Variants in MINDY4 observed in about 807,000 individuals in gnomAD.
MINDY4 encodes MINDY lysine 48 deubiquitinase 4, also known as probable ubiquitin carboxyl-terminal hydrolase MINDY-4.
In MINDY4, 68 loss-of-function variants were observed where a neutral mutation model predicts 87.0. The observed-to-expected ratio is 0.78, with a 90% CI of 0.64 to 0.96. MINDY4 has a LOEUF of 0.96. MINDY4 is among the 40% of genes least tolerant of loss of function. The pLI is 0.00. For synonymous variants in MINDY4, 379 were observed against 363.2 expected, an observed-to-expected ratio of 1.04 and a Z score of -0.50; for missense variants, 919 against 928.2, an observed-to-expected ratio of 0.99 and a Z score of 0.13.
At chr7:30,808,243 A>G (rs1178955406) in intron 5 of MINDY4, among the ~76,000 whole-genome samples, 2 of 152,146 alleles carry the variant, frequency 1.3e-5, no homozygotes, top group African/African-American at 2.4e-5. Flanking sequence ...GACATCTGAA[A>G]CTTGGTAAGA....
chr7:30,795,344 C>T (rs535639989), intron 5 of MINDY4, among the ~76,000 whole-genome samples: 1 of 152,340 alleles, frequency 6.6e-6, no homozygotes, highest in East Asian at 1.9e-4. Flanking sequence ...TTTATCCTCC[C>T]TTAGGAATTC....
At chr7:30,860,454 C>T (rs1023205290) in intron 13 of MINDY4, among the ~76,000 whole-genome samples, 2 of 152,178 alleles carry the variant, frequency 1.3e-5, no homozygotes, top group Admixed American at 6.5e-5. Flanking sequence ...CGTGGACTCA[C>T]GTGCATGGAG....
chr7:30,847,807 A>G (rs1789271611), intron 9 of MINDY4, among the ~76,000 whole-genome samples: 2 of 152,154 alleles, frequency 1.3e-5, no homozygotes, highest in African/African-American at 4.8e-5. Flanking sequence ...TGGCACGATC[A>G]TGGCCCACTG....
Position 30,771,435 on chromosome 7 carries a change from C to A in MINDY4, c.-59C>A. ...CGCGGCCATACTGCGCCGGACAGAC[C>A]CAGTTGCCTGGTGCTGCGGCCCGGC... On this transcript the variant is annotated 5_prime_UTR_variant, in exon 1 of 18. Coordinates refer to ENST00000265299, the MANE Select transcript of MINDY4 (RefSeq NM_032222.3). The A allele has an allele frequency of 6.4e-7, 1 of 1,552,858 alleles. No homozygotes were observed. The highest frequency in any genetic ancestry group is 8.7e-7 in the Non-Finnish European group (1 of 1,143,614).
intron 9 of MINDY4, among the ~76,000 whole-genome samples, chr7:30,842,507 T>G (rs542569361): frequency 6.6e-6 from 1 of 152,290 alleles, no homozygotes; most frequent in East Asian, 1.9e-4. Flanking sequence ...CCTACCTACC[T>G]ACCCACCTTC....
chr7:30,792,197 G>A (rs1032642074), intron 5 of MINDY4, among the ~76,000 whole-genome samples: 2 of 152,246 alleles, frequency 1.3e-5, no homozygotes, highest in African/African-American at 4.8e-5. Flanking sequence ...TACATTGATT[G>A]ATTTCTGAAT....
chr7:30,838,747 C>T (rs1259425168), intron 7 of MINDY4, among the ~76,000 whole-genome samples: 1 of 152,150 alleles, frequency 6.6e-6, no homozygotes, highest in Non-Finnish European at 1.5e-5. Flanking sequence ...GGAGTCTCAC[C>T]CTCAGCAACT....
At chr7:30,845,874 C>T (rs898344139) in intron 9 of MINDY4, among the ~76,000 whole-genome samples, 1 of 152,232 alleles carries the variant, frequency 6.6e-6, no homozygotes, top group African/African-American at 2.4e-5. Context: ...CAGCCGGCCT[C>T]TCCTCAGTCG....
chr7:30,783,400 C>T (rs1335728107), intron 3 of MINDY4, among the ~76,000 whole-genome samples: 3 of 152,140 alleles, frequency 2.0e-5, no homozygotes, highest in Admixed American at 6.5e-5. Flanking sequence ...TCTGCAAAAT[C>T]CTTTTCACTG....
chr7:30,826,195 C>A (rs972267845), intron 5 of MINDY4, among the ~76,000 whole-genome samples: 1 of 152,128 alleles, frequency 6.6e-6, no homozygotes, highest in South Asian at 2.1e-4. Flanking sequence ...TCTCTTTTGC[C>A]GTGTAAAGTA....
chr7:30,774,536 A>G (rs1245744955), intron 1 of MINDY4, among the ~76,000 whole-genome samples: 1 of 152,090 alleles, frequency 6.6e-6, no homozygotes, highest in Admixed American at 6.5e-5. Context: ...AACCCCATAA[A>G]GGACCTGTGT....
At chr7:30,784,467 T>A (rs184395857) in intron 3 of MINDY4, among the ~76,000 whole-genome samples, 2 of 152,308 alleles carry the variant, frequency 1.3e-5, no homozygotes. Flanking sequence ...TCTCCAGGGC[T>A]CTAGTGATCT....
intron 13 of MINDY4, among the ~76,000 whole-genome samples, chr7:30,865,152 G>T (rs1789893714): frequency 6.6e-6 from 1 of 152,174 alleles, no homozygotes; most frequent in Non-Finnish European, 1.5e-5. Context: ...TCCCGTCTCT[G>T]CACCGACACC....
intron 17 of MINDY4, among the ~76,000 whole-genome samples, chr7:30,884,446 AATG>A (rs1393358197): frequency 2.0e-5 from 3 of 152,300 alleles, no homozygotes; most frequent in Non-Finnish European, 4.4e-5. Context: ...ACTCATTCAA[AATG>A]ATGAGAGAAA....
chr7:30,852,088 G>A, intron 10 of MINDY4, 128 bp from the exon 11 acceptor site: 1 of 1,018,298 alleles, frequency 9.8e-7, no homozygotes, highest in Non-Finnish European at 1.4e-6. Flanking sequence ...AGAAACTCTT[G>A]GCTCCATTTT....
Position 30,850,466 on chromosome 7 carries a change from T to G in MINDY4, c.1458T>G (p.Pro486=). ...SKADCAQGLQ[P]SDAHRTRCLV... is the part of the protein sequence containing the mutation. Reference sequence around the variant, plus strand: ...TTCTTGTCCGCAGGGGACTGCAGCCTTCAGATGCCCACCGGACCCGCTGCC... The same window carrying G: ...TTCTTGTCCGCAGGGGACTGCAGCCGTCAGATGCCCACCGGACCCGCTGCC... The change falls in exon 10 of 18, where the codon CCT becomes CCG. Residue 486 remains proline (P), a synonymous_variant. Coordinates refer to ENST00000265299, the MANE Select transcript of MINDY4 (RefSeq NM_032222.3). 1 of 1,612,268 alleles carries G rather than the reference T, an allele frequency of 6.2e-7. No individual in the cohort carries two copies.
At chr7:30,856,195 C>T (rs555258300) in intron 12 of MINDY4, among the ~76,000 whole-genome samples, 1 of 152,298 alleles carries the variant, frequency 6.6e-6, no homozygotes, top group South Asian at 2.1e-4. Context: ...CCAAGTGGCA[C>T]CACTTTCTAG....
chr7:30,861,565 A>G (rs1789768705), intron 13 of MINDY4, among the ~76,000 whole-genome samples: 1 of 152,200 alleles, frequency 6.6e-6, no homozygotes, highest in Admixed American at 6.5e-5. Context: ...AACTTTGGAA[A>G]AAGTTGGTTG....
At chr7:30,774,192 A>G (rs1786733875) in intron 1 of MINDY4, among the ~76,000 whole-genome samples, 1 of 152,182 alleles carries the variant, frequency 6.6e-6, no homozygotes, top group Non-Finnish European at 1.5e-5. Context: ...CAAACCCTGA[A>G]GCTCCTTCCC....
Sources: allele counts gnomAD v4.1 joint callset (sites outside exome capture counted in the v4.1 genomes callset), GRCh38; gene constraint gnomAD v4.1.1; transcripts MANE v1.5; gene names NCBI Gene and HGNC (gene_info 2026-07-23, HGNC 2026-07-21).